Variants in RBFOX1 observed in about 807,000 individuals in gnomAD.
The protein encoded by RBFOX1 is RNA binding protein fox-1 homolog 1.
A neutral mutation model predicts 57.7 loss-of-function variants in RBFOX1; 8 were observed. The ratio of observed to expected loss-of-function variants is 0.14; its 90% CI spans 0.08 to 0.25. The LOEUF is 0.25. RBFOX1 is among the 10% of genes least tolerant of loss of function. The pLI is 1.00. For synonymous variants in RBFOX1, 326 were observed against 222.4 expected, an observed-to-expected ratio of 1.47 and a Z score of -4.15; for missense variants, 611 against 548.5, an observed-to-expected ratio of 1.11 and a Z score of -1.14.
chr16:5,329,219 G>A (rs1389335564), intron 1 of RBFOX1, among the ~76,000 whole-genome samples: 2 of 152,154 alleles, frequency 1.3e-5, no homozygotes, highest in East Asian at 1.9e-4. Context: ...CTGACACTGG[G>A]TAATTTATTA....
chr16:7,237,822 G>A (rs1427390449), intron 4 of RBFOX1, among the ~76,000 whole-genome samples: 1 of 152,152 alleles, frequency 6.6e-6, no homozygotes, highest in African/African-American at 2.4e-5. Context: ...CATGGCCAAC[G>A]TGGTGAAAAC....
At chr16:7,145,396 G>A (rs1184482333) in intron 4 of RBFOX1, among the ~76,000 whole-genome samples, 4 of 152,000 alleles carry the variant, frequency 2.6e-5, no homozygotes, top group East Asian at 3.9e-4. Context: ...AAATACAGAC[G>A]GGGTTTCACC....
At chr16:6,158,109 T>C (rs1028535817) in intron 1 of RBFOX1, among the ~76,000 whole-genome samples, 5 of 152,182 alleles carry the variant, frequency 3.3e-5, no homozygotes, top group Non-Finnish European at 7.3e-5. Flanking sequence ...CGAACGCTTT[T>C]ACAAAATGAA....
chr16:6,845,686 C>G (rs1603631632), intron 3 of RBFOX1, among the ~76,000 whole-genome samples: 1 of 152,166 alleles, frequency 6.6e-6, no homozygotes, highest in Non-Finnish European at 1.5e-5. Context: ...AGAGATCTCA[C>G]CAGAACGTTC....
chr16:5,553,255 C>T lies in RBFOX1; in HGVS notation c.259-45647C>T, dbSNP rs541525457. ...ATGTATCAAACCTGCACCTTGTACACATGTACCCTAGAACTTAAAGTATAA... is the reference window on the plus strand; with the variant it reads ...ATGTATCAAACCTGCACCTTGTACATATGTACCCTAGAACTTAAAGTATAA... On this transcript the variant is annotated intron_variant, in intron 2 of 2. Transcript: ENST00000585867. 1.9e-3 allele frequency among the ~76,000 whole-genome samples: 290 copies of T among 151,970 alleles called. 4 individuals are homozygous for T. The highest frequency in any genetic ancestry group is 5.9e-3 in the African/African-American group (246 of 41,442).
At chr16:5,454,745 T>TTTC (rs2068528449) in intron 1 of RBFOX1, among the ~76,000 whole-genome samples, 3 of 27,858 alleles carry the variant, frequency 1.1e-4, no homozygotes, top group African/African-American at 2.1e-4. Flanking sequence ...CTTTCTTTCT[T>TTTC]TTTCTTTTCT....
At chr16:6,536,627 C>G (rs1055455470) in intron 2 of RBFOX1, among the ~76,000 whole-genome samples, 11 of 151,700 alleles carry the variant, frequency 7.3e-5, no homozygotes, top group Non-Finnish European at 1.3e-4. Context: ...TGGCAGCAAA[C>G]AGAAGTGTTT....
At chr16:7,677,474 G>A (rs1397221509) in intron 14 of RBFOX1, among the ~76,000 whole-genome samples, 1 of 152,122 alleles carries the variant, frequency 6.6e-6, no homozygotes, top group Non-Finnish European at 1.5e-5. Flanking sequence ...GGAACACAGT[G>A]TGTTTGAGGA....
At chr16:5,578,790 C>T (rs979782540) in intron 2 of RBFOX1, among the ~76,000 whole-genome samples, 13 of 151,112 alleles carry the variant, frequency 8.6e-5, no homozygotes, top group African/African-American at 2.7e-4. Flanking sequence ...GGTGTTTTTG[C>T]GCTTCAATCC....
intron 2 of RBFOX1, among the ~76,000 whole-genome samples, chr16:6,418,615 C>T (rs1567229852): frequency 6.7e-6 from 1 of 149,382 alleles, no homozygotes; most frequent in East Asian, 2.0e-4. Flanking sequence ...CCTCTAACTC[C>T]TGGGTTCAAG....
intron 1 of RBFOX1, among the ~76,000 whole-genome samples, chr16:6,185,493 C>T (rs75829779): frequency 6.6e-6 from 1 of 152,316 alleles, no homozygotes; most frequent in African/African-American, 2.4e-5. Flanking sequence ...CAAACCAGAG[C>T]CTTGCTTTCC....
At chr16:6,421,045 G>T (rs2093757706) in intron 2 of RBFOX1, among the ~76,000 whole-genome samples, 1 of 152,282 alleles carries the variant, frequency 6.6e-6, no homozygotes, top group East Asian at 1.9e-4. Flanking sequence ...TAATTGCTAG[G>T]CAATAGAAGA....
intron 3 of RBFOX1, among the ~76,000 whole-genome samples, chr16:5,787,661 C>G (rs868523059): frequency 7.2e-5 from 11 of 152,148 alleles, no homozygotes; most frequent in South Asian, 2.1e-4. Context: ...AGAGCTGGAT[C>G]TCGCAGAGAG....
chr16:6,201,760 G>A (rs1407578891), intron 1 of RBFOX1, among the ~76,000 whole-genome samples: 6 of 152,086 alleles, frequency 3.9e-5, no homozygotes, highest in African/African-American at 1.4e-4. Context: ...TTGCCTGCCT[G>A]TATCAAAACA....
At chr16:6,372,125 G>A (rs1215788927) in intron 2 of RBFOX1, among the ~76,000 whole-genome samples, 3 of 152,076 alleles carry the variant, frequency 2.0e-5, no homozygotes, top group Non-Finnish European at 4.4e-5. Context: ...GTATAGTTGG[G>A]TGGGAGGATA....
chr16:7,345,503 C>T (rs1439265993), intron 4 of RBFOX1, among the ~76,000 whole-genome samples: 1 of 152,168 alleles, frequency 6.6e-6, no homozygotes, highest in Non-Finnish European at 1.5e-5. Flanking sequence ...AGACAGTTCC[C>T]ACTGTGACTT....
At chr16:5,665,191 T>G (rs2049799408) in intron 3 of RBFOX1, among the ~76,000 whole-genome samples, 1 of 150,442 alleles carries the variant, frequency 6.6e-6, no homozygotes, top group African/African-American at 2.5e-5. Flanking sequence ...GCTCAGGCGA[T>G]CCTCCCACCT....
rs1410744665 is a variant in RBFOX1 at position 6,767,947 on chromosome 16, T to TAATAATAATAATAATA, written c.-16+113299_-16+113300insTAATAATAATAATAAA. On this transcript the variant is annotated intron_variant, in intron 3 of 15. Transcript: ENST00000550418. ...ATAATAATAATAATAATAATAATAA[T>TAATAATAATAATAATA]AAGAAGAAGAAGAAGAAGAAGAAGA... Among the ~76,000 whole-genome samples, 62 of 101,044 alleles carry TAATAATAATAATAATA rather than the reference T, an allele frequency of 6.1e-4. 1 individual carries two copies. The highest frequency in any genetic ancestry group is 1.4e-3 in the African/African-American group (34 of 23,514). The allele number at this position is 101,044 out of a possible 152,430, so 66.3% of individuals were successfully genotyped here.
At chr16:5,991,409 G>A (rs1345888) in intron 4 of RBFOX1, among the ~76,000 whole-genome samples, 129,156 of 152,138 alleles carry the variant, frequency 0.85, 55,354 homozygotes, top group East Asian at 0.99. Context: ...GCACGTAGAA[G>A]GAATTAAAGA....
Sources: allele counts gnomAD v4.1 joint callset (sites outside exome capture counted in the v4.1 genomes callset), GRCh38; gene constraint gnomAD v4.1.1; transcripts MANE v1.5; gene names NCBI Gene and HGNC (gene_info 2026-07-23, HGNC 2026-07-21).